Variants in CRPPA observed in about 807,000 individuals in gnomAD.
CRPPA encodes the protein CDP-L-ribitol pyrophosphorylase A.
A neutral mutation model predicts 52.0 loss-of-function variants in CRPPA; 43 were observed. The observed-to-expected ratio is 0.83, with a 90% confidence interval of 0.65 to 1.07. The LOEUF is 1.07. Ranked by LOEUF, CRPPA falls within the 50% of genes least tolerant of loss-of-function variation. The pLI is 0.00. For missense variants in CRPPA, 629 were observed against 551.7 expected (o/e 1.14, Z -1.40); for synonymous variants, 250 against 203.5 (o/e 1.23, Z -1.94).
intron 2 of CRPPA, among the ~76,000 whole-genome samples, chr7:16,395,432 T>A (rs2128315598): frequency 6.6e-6 from 1 of 152,298 alleles, no homozygotes; most frequent in South Asian, 2.1e-4. Flanking sequence ...ATGATTTTAG[T>A]TAGGCAAGTT....
At chr7:16,386,451 G>C (rs1330877617) in intron 2 of CRPPA, among the ~76,000 whole-genome samples, 1 of 152,136 alleles carries the variant, frequency 6.6e-6, no homozygotes, top group African/African-American at 2.4e-5. Flanking sequence ...GAGTTTCTAG[G>C]CTTGAGGATG....
chr7:16,400,033 CG>C (rs759356411), intron 2 of CRPPA, among the ~76,000 whole-genome samples: 10 of 152,130 alleles, frequency 6.6e-5, no homozygotes, highest in Non-Finnish European at 1.5e-4. Context: ...ATGATTAGTA[CG>C]TGACGAATAC....
intron 9 of CRPPA, among the ~76,000 whole-genome samples, chr7:16,142,610 G>T (rs17288010): frequency 0.025 from 3,814 of 152,118 alleles, 92 homozygotes; most frequent in Admixed American, 0.057. Flanking sequence ...GTTTTCCTAG[G>T]TTTGTATTTA....
intron 5 of CRPPA, among the ~76,000 whole-genome samples, chr7:16,286,971 T>A (rs116833003): frequency 2.8e-4 from 42 of 152,316 alleles, no homozygotes; most frequent in African/African-American, 9.1e-4. Flanking sequence ...CCATACCAGT[T>A]CCTTATAGCC....
chr7:16,234,338 G>T (rs557320500), intron 8 of CRPPA, among the ~76,000 whole-genome samples: 21 of 152,042 alleles, frequency 1.4e-4, no homozygotes, highest in African/African-American at 5.1e-4. Context: ...GACACATACA[G>T]AAAACAATTT....
chr7:16,284,836 CA>C (rs1387820632), intron 5 of CRPPA, among the ~76,000 whole-genome samples: 2 of 150,726 alleles, frequency 1.3e-5, no homozygotes, highest in African/African-American at 2.4e-5. Context: ...AAGATTGTCT[CA>C]AAAAAAACAG....
rs533650926 is a variant in CRPPA at position 16,279,135 on chromosome 7, T to C, written c.836-909A>G. ...AAGAAAACAAAGCCTGATTTTAAGA[T>C]AGGATTCCTGAATCAAAAGTATGTT... On this transcript the variant is annotated intron_variant, in intron 5 of 9. Transcript: ENST00000407010. 1.2e-4 allele frequency among the ~76,000 whole-genome samples: 19 copies of C among 152,330 alleles called. No homozygotes were observed. In the South Asian group the frequency reaches 3.1e-3, roughly 25 times the overall value.
At chr7:16,370,655 T>A (rs964646451) in intron 3 of CRPPA, among the ~76,000 whole-genome samples, 1 of 152,252 alleles carries the variant, frequency 6.6e-6, no homozygotes, top group South Asian at 2.1e-4. Context: ...GTGGGAAGTT[T>A]CTTACAGCAG....
intron 3 of CRPPA, among the ~76,000 whole-genome samples, chr7:16,342,382 C>G (rs1226004477): frequency 6.6e-6 from 1 of 151,614 alleles, no homozygotes; most frequent in Non-Finnish European, 1.5e-5. Flanking sequence ...AGTTAAGAGA[C>G]CAGGTAAATC....
At chr7:16,273,685 T>G (rs1359378167) in intron 6 of CRPPA, among the ~76,000 whole-genome samples, 1 of 152,124 alleles carries the variant, frequency 6.6e-6, no homozygotes, top group Non-Finnish European at 1.5e-5. Context: ...AGAGGGCTGG[T>G]GCAAAAGGTT....
chr7:16,414,801 A>G (rs971007302), intron 1 of CRPPA, among the ~76,000 whole-genome samples: 3 of 152,172 alleles, frequency 2.0e-5, no homozygotes, highest in African/African-American at 7.2e-5. Flanking sequence ...TTTTTAATCA[A>G]CTTCTGAAAG....
intron 1 of CRPPA, among the ~76,000 whole-genome samples, chr7:16,413,045 C>T (rs956303753): frequency 6.6e-6 from 1 of 152,168 alleles, no homozygotes; most frequent in African/African-American, 2.4e-5. Context: ...ATCTAGTCTG[C>T]AGAGTTTGGC....
At chr7:16,177,730 A>AT (rs1200317852) in intron 9 of CRPPA, among the ~76,000 whole-genome samples, 1 of 152,074 alleles carries the variant, frequency 6.6e-6, no homozygotes, top group Non-Finnish European at 1.5e-5. Context: ...TCTAATTAAC[A>AT]TTTTTCTTCA....
At chr7:16,419,306 A>T (rs1340081978) in intron 1 of CRPPA, among the ~76,000 whole-genome samples, 1 of 152,220 alleles carries the variant, frequency 6.6e-6, no homozygotes, top group East Asian at 1.9e-4. Flanking sequence ...GGAAATTAGG[A>T]CAGTGAAAGA....
chr7:16,300,121 T>C (rs557634821), intron 5 of CRPPA, among the ~76,000 whole-genome samples: 4 of 152,352 alleles, frequency 2.6e-5, no homozygotes, highest in Non-Finnish European at 5.9e-5. Context: ...ATGGTCTGTT[T>C]ACATACACAC....
chr7:16,329,457 A>T (rs1562635022), intron 3 of CRPPA, among the ~76,000 whole-genome samples: 1 of 152,198 alleles, frequency 6.6e-6, no homozygotes, highest in Non-Finnish European at 1.5e-5. Flanking sequence ...TATCTGTAGG[A>T]ATTTTTCATC....
intron 2 of CRPPA, among the ~76,000 whole-genome samples, chr7:16,384,259 C>G (rs980653334): frequency 2.0e-5 from 3 of 152,252 alleles, no homozygotes; most frequent in Admixed American, 6.5e-5. Context: ...CCAAAGGGAA[C>G]TCACTTTATT....
intron 3 of CRPPA, among the ~76,000 whole-genome samples, chr7:16,330,119 C>T (rs573241561): frequency 3.1e-4 from 47 of 152,178 alleles, no homozygotes; most frequent in Admixed American, 6.6e-4. Context: ...ATAGCACACA[C>T]GTTAACAACT....
intron 8 of CRPPA, among the ~76,000 whole-genome samples, chr7:16,245,357 A>G (rs1453796717): frequency 6.6e-6 from 1 of 152,226 alleles, no homozygotes; most frequent in Non-Finnish European, 1.5e-5. Flanking sequence ...CACATTTGAA[A>G]TGTTCTGCCA....
Sources: gnomAD v4.1 joint callset for allele counts (sites outside exome capture counted in the v4.1 genomes callset) on GRCh38, gnomAD v4.1.1 for gene constraint, MANE v1.5 for transcripts, NCBI Gene and HGNC (gene_info 2026-07-23, HGNC 2026-07-21) for gene names.